GRM7: variants seen among roughly 807,000 people sequenced by gnomAD.
GRM7 encodes metabotropic glutamate receptor 7.
In GRM7, 35 loss-of-function variants were observed where a neutral mutation model predicts 84.5. The ratio of observed to expected loss-of-function variants is 0.41; its 90% CI spans 0.32 to 0.55. GRM7 has a LOEUF of 0.55. GRM7 is among the 20% of genes least tolerant of loss of function. The pLI is 0.19. For synonymous variants in GRM7, 487 were observed against 455.1 expected, an observed-to-expected ratio of 1.07 and a Z score of -0.89; for missense variants, 1,003 against 1,194.6, an observed-to-expected ratio of 0.84 and a Z score of 2.36.
intron 7 of GRM7, among the ~76,000 whole-genome samples, chr3:7,535,856 G>C (rs1394619643): frequency 6.6e-6 from 1 of 152,174 alleles, no homozygotes; most frequent in Non-Finnish European, 1.5e-5. Flanking sequence ...GCAGATACTT[G>C]TGTCCACCCT....
chr3:7,035,851 T>C (rs1696368349), intron 1 of GRM7, among the ~76,000 whole-genome samples: 3 of 152,270 alleles, frequency 2.0e-5, no homozygotes, highest in South Asian at 4.1e-4. Flanking sequence ...TGGACACTTT[T>C]AGCACAGCCA....
chr3:6,880,622 C>T lies in GRM7; in HGVS notation c.519+18715C>T, dbSNP rs1695473733. On this transcript the variant is annotated intron_variant, in intron 1 of 9. Coordinates refer to ENST00000357716, the MANE Select transcript of GRM7 (RefSeq NM_000844.4). ...TTCACAAATTTTCCTTTCCAAAATGCCTTTGAGCAAATCTGTTTGATATCA... is the reference window on the plus strand; with the variant it reads ...TTCACAAATTTTCCTTTCCAAAATGTCTTTGAGCAAATCTGTTTGATATCA... Among the ~76,000 whole-genome samples, 8 of 152,050 alleles carry T rather than the reference C, an allele frequency of 5.3e-5. No individual in the cohort carries two copies. The South Asian group carries it at 8.3e-4, about 16-fold the overall frequency.
chr3:7,494,042 G>A (rs1281042714), intron 7 of GRM7, among the ~76,000 whole-genome samples: 1 of 152,000 alleles, frequency 6.6e-6, no homozygotes, highest in Admixed American at 6.6e-5. Context: ...AGAAACTTAT[G>A]ATAAAAATGA....
chr3:7,380,037 G>C (rs984097471), intron 4 of GRM7, among the ~76,000 whole-genome samples: 1 of 151,980 alleles, frequency 6.6e-6, no homozygotes, highest in Non-Finnish European at 1.5e-5. Context: ...ACTCCATTTC[G>C]AAATGATATT....
chr3:7,054,343 G>A (rs1697134043), intron 1 of GRM7, among the ~76,000 whole-genome samples: 1 of 148,522 alleles, frequency 6.7e-6, no homozygotes, highest in Non-Finnish European at 1.5e-5. Context: ...AATATATGAT[G>A]ATATATATGA....
intron 4 of GRM7, among the ~76,000 whole-genome samples, chr3:7,402,004 G>A (rs566424284): frequency 1.8e-4 from 28 of 152,258 alleles, no homozygotes; most frequent in African/African-American, 6.5e-4. Context: ...ATTGGAATCA[G>A]GTACTTGAAC....
At chr3:6,942,484 C>T (rs1042169371) in intron 1 of GRM7, among the ~76,000 whole-genome samples, 1 of 152,102 alleles carries the variant, frequency 6.6e-6, no homozygotes, top group African/African-American at 2.4e-5. Flanking sequence ...TTGAAAAGAG[C>T]TCACATAGTC....
chr3:7,580,975 G>A (rs941131716), intron 8 of GRM7, among the ~76,000 whole-genome samples: 6 of 152,022 alleles, frequency 3.9e-5, no homozygotes, highest in Admixed American at 2.6e-4. Context: ...AAAAGCCTAT[G>A]GAGATAATAA....
At chr3:6,891,560 C>T (rs1394071018) in intron 1 of GRM7, among the ~76,000 whole-genome samples, 1 of 152,066 alleles carries the variant, frequency 6.6e-6, no homozygotes, top group South Asian at 2.1e-4. Context: ...GAATATTGGC[C>T]CCCACTCTCT....
At chr3:7,397,575 CA>C (rs1357908913) in intron 4 of GRM7, among the ~76,000 whole-genome samples, 3 of 151,754 alleles carry the variant, frequency 2.0e-5, no homozygotes, top group Non-Finnish European at 4.4e-5. Flanking sequence ...TAATATGCAC[CA>C]AAAATGATAA....
intron 4 of GRM7, among the ~76,000 whole-genome samples, chr3:7,412,394 C>A (rs568817540): frequency 6.6e-6 from 1 of 152,324 alleles, no homozygotes; most frequent in South Asian, 2.1e-4. Context: ...TGTCCTCTGA[C>A]CCCCTCTTGA....
intron 4 of GRM7, among the ~76,000 whole-genome samples, chr3:7,319,666 G>A (rs1162297540): frequency 6.6e-6 from 1 of 151,972 alleles, no homozygotes; most frequent in Non-Finnish European, 1.5e-5. Flanking sequence ...GGTTCAGCCT[G>A]CCTGATACCA....
intron 8 of GRM7, among the ~76,000 whole-genome samples, chr3:7,660,047 G>T (rs1367220282): frequency 2.0e-5 from 3 of 152,156 alleles, no homozygotes; most frequent in Non-Finnish European, 4.4e-5. Context: ...AACCAAATAG[G>T]TAGATAAAAT....
intron 1 of GRM7, chr3:6,956,516 CAG>C (rs1487867326): frequency 6.6e-6 from 3 of 453,924 alleles, no homozygotes; most frequent in South Asian, 3.1e-5. Context: ...AGAAGAAAAC[CAG>C]AGAGATTTCT....
At chr3:7,018,574 G>A (rs1695658821) in intron 1 of GRM7, among the ~76,000 whole-genome samples, 2 of 152,252 alleles carry the variant, frequency 1.3e-5, no homozygotes, top group African/African-American at 2.4e-5. Flanking sequence ...CCTTGCAGAG[G>A]CATCAAAGAA....
At chr3:7,674,300 T>C (rs1575617298) in intron 8 of GRM7, among the ~76,000 whole-genome samples, 1 of 151,910 alleles carries the variant, frequency 6.6e-6, no homozygotes, top group African/African-American at 2.4e-5. Flanking sequence ...CAAGCAATTC[T>C]CCTGCCTCAG....
intron 2 of GRM7, among the ~76,000 whole-genome samples, chr3:7,276,614 T>G (rs1699067180): frequency 6.6e-6 from 1 of 151,924 alleles, no homozygotes; most frequent in South Asian, 2.1e-4. Context: ...AAATCCTAAT[T>G]GTGAGGTTCC....
At chr3:6,895,237 G>A (rs75640074) in intron 1 of GRM7, among the ~76,000 whole-genome samples, 1 of 152,124 alleles carries the variant, frequency 6.6e-6, no homozygotes, top group Non-Finnish European at 1.5e-5. Context: ...TACACCAAAA[G>A]TGTCGCCTCA....
At chr3:7,592,657 C>A (rs1394715887) in intron 8 of GRM7, among the ~76,000 whole-genome samples, 2 of 152,192 alleles carry the variant, frequency 1.3e-5, no homozygotes, top group African/African-American at 4.8e-5. Context: ...ACATTAATTT[C>A]ATGTAAAGTA....
Sources: gnomAD v4.1 joint callset for allele counts (sites outside exome capture counted in the v4.1 genomes callset) on GRCh38, gnomAD v4.1.1 for gene constraint, MANE v1.5 for transcripts, NCBI Gene and HGNC (gene_info 2026-07-23, HGNC 2026-07-21) for gene names.